Variants in HSD17B4 observed in about 807,000 individuals in gnomAD.
The protein encoded by HSD17B4 is hydroxysteroid 17-beta dehydrogenase 4.
A neutral mutation model predicts 101.0 loss-of-function variants in HSD17B4; 70 were observed. The ratio of observed to expected loss-of-function variants is 0.69; its 90% CI spans 0.57 to 0.85. HSD17B4 has a LOEUF of 0.85. HSD17B4 is among the 40% of genes least tolerant of loss of function. The pLI is 0.00. For synonymous variants in HSD17B4, 347 were observed against 297.1 expected (o/e 1.17, Z -1.73); for missense variants, 984 against 892.4 (o/e 1.10, Z -1.31).
At chr5:119,460,026 G>A (rs991332288) in intron 2 of HSD17B4, among the ~76,000 whole-genome samples, 9 of 151,616 alleles carry the variant, frequency 5.9e-5, no homozygotes, top group East Asian at 1.9e-4. Context: ...GCCTGCCACC[G>A]TGCCCAGCTA....
At chr5:119,493,175 A>G (rs761890991) in intron 10 of HSD17B4, 2 of 152,416 alleles carry the variant, frequency 1.3e-5, no homozygotes, top group Non-Finnish European at 1.5e-5. Flanking sequence ...GTGTCTGACT[A>G]TTATGTTTAA....
intron 7 of HSD17B4, 73 bp downstream of exon 7, chr5:119,477,574 T>A: frequency 1.0e-6 from 1 of 975,892 alleles, no homozygotes. Context: ...AGGGAAAGAT[T>A]ATGTGAAGTG....
intron 17 of HSD17B4, among the ~76,000 whole-genome samples, chr5:119,523,432 A>G (rs1490818848): frequency 4.6e-5 from 7 of 152,172 alleles, no homozygotes; most frequent in African/African-American, 1.7e-4. Context: ...CAAAATACGT[A>G]GAAGATAAGC....
At chr5:119,463,655 C>CTTTTTTTTT (rs57252147) in intron 2 of HSD17B4, among the ~76,000 whole-genome samples, 12 of 29,692 alleles carry the variant, frequency 4.0e-4, no homozygotes, top group Non-Finnish European at 5.6e-4. Flanking sequence ...ATTTATATGT[C>CTTTTTTTTT]TTTTTTTTTT....
intron 1 of HSD17B4, among the ~76,000 whole-genome samples, chr5:119,453,973 T>C (rs1349596284): frequency 6.6e-6 from 1 of 152,216 alleles, no homozygotes; most frequent in East Asian, 1.9e-4. Context: ...ACTTTCCTTT[T>C]CAGGGGCTAT....
chr5:119,488,534 T>C (rs1359012538), intron 8 of HSD17B4, among the ~76,000 whole-genome samples: 1 of 152,158 alleles, frequency 6.6e-6, no homozygotes, highest in East Asian at 1.9e-4. Context: ...AGTTGATGGA[T>C]ATACCAGTTA....
At chr5:119,516,090 T>A (rs897198021) in intron 17 of HSD17B4, among the ~76,000 whole-genome samples, 1 of 152,198 alleles carries the variant, frequency 6.6e-6, no homozygotes, top group African/African-American at 2.4e-5. Context: ...AGAATTGTAA[T>A]CTCATAAGCC....
At chr5:119,461,057 C>G (rs1755177583) in intron 2 of HSD17B4, among the ~76,000 whole-genome samples, 1 of 152,132 alleles carries the variant, frequency 6.6e-6, no homozygotes, top group Non-Finnish European at 1.5e-5. Context: ...AAGGCCAGAT[C>G]ACATAGGACC....
chr5:119,508,276 C>G (rs977899357), intron 15 of HSD17B4, among the ~76,000 whole-genome samples: 4 of 149,488 alleles, frequency 2.7e-5, no homozygotes, highest in African/African-American at 7.3e-5. Flanking sequence ...TTTTACTGTT[C>G]TCTCTTGATC....
intron 8 of HSD17B4, among the ~76,000 whole-genome samples, chr5:119,484,673 A>G (rs1749453565): frequency 6.6e-6 from 1 of 152,184 alleles, no homozygotes; most frequent in South Asian, 2.1e-4. Flanking sequence ...TCCATGGAAC[A>G]CAAATACTTA....
rs147060621 is a variant in HSD17B4, at chr5:119,531,566, GGGGT to G, written c.1993+164_1993+167del. ...GAATAGGTTTGGGAATGTCCAAAGG[GGGGT>G]GTGTGTGTGTGTGTGTGTGTGTGTG... On this transcript the variant is annotated intron_variant, in intron 22 of 23. Coordinates refer to ENST00000510025, the MANE Select transcript of HSD17B4 (RefSeq NM_000414.4). Among the ~76,000 whole-genome samples the G allele has an allele frequency of 0.15, 5,120 of 35,020 alleles. 277 individuals carry two copies. Among genetic ancestry groups the G allele is most frequent in the African/African-American group, 0.32 (4,724 of 14,906 alleles). 23.0% of individuals were successfully genotyped at this position (35,020 alleles called of 152,430 possible).
chr5:119,470,188 ATGTC>A (rs1005586976), intron 2 of HSD17B4, among the ~76,000 whole-genome samples: 1 of 151,298 alleles, frequency 6.6e-6, no homozygotes, highest in Non-Finnish European at 1.5e-5. Flanking sequence ...TTGTACTTGA[ATGTC>A]TGTTTTTTTT....
chr5:119,463,311 A>G (rs1580516482), intron 2 of HSD17B4, among the ~76,000 whole-genome samples: 1 of 152,196 alleles, frequency 6.6e-6, no homozygotes, highest in East Asian at 1.9e-4. Context: ...GTGCTGCAGT[A>G]AACATGGGAA....
At chr5:119,493,483 CT>C in intron 10 of HSD17B4, 1 of 275,052 alleles carries the variant, frequency 3.6e-6, no homozygotes, top group Non-Finnish European at 7.1e-6. Flanking sequence ...AAGTATATTA[CT>C]TTGGGGATCT....
intron 1 of HSD17B4, 160 bp downstream of exon 1, chr5:119,452,793 G>C: frequency 6.5e-7 from 1 of 1,544,234 alleles, no homozygotes; most frequent in Non-Finnish European, 8.7e-7. Flanking sequence ...GAGGAGGAAA[G>C]AGCCGGAAAC....
At chr5:119,462,248 ATTTTTTTTTTTTTTTTTTTTTTT>A (rs10524491) in intron 2 of HSD17B4, among the ~76,000 whole-genome samples, 1 of 30,010 alleles carries the variant, frequency 3.3e-5, no homozygotes, top group Non-Finnish European at 7.9e-5. Context: ...AACAAATGTG[ATTTTTTTTTTTTTTTTTTTTTTT>A]TTTTTTTTTT....
intron 8 of HSD17B4, among the ~76,000 whole-genome samples, chr5:119,484,045 T>C (rs551029012): frequency 3.3e-5 from 5 of 152,148 alleles, no homozygotes; most frequent in Non-Finnish European, 7.4e-5. Context: ...ATCTTCTCTT[T>C]TTTTAAAAAA....
At chr5:119,511,695 G>T (rs542386780) in intron 16 of HSD17B4, among the ~76,000 whole-genome samples, 1 of 152,224 alleles carries the variant, frequency 6.6e-6, no homozygotes, top group Non-Finnish European at 1.5e-5. Context: ...AATATCAGAG[G>T]CTGTACACTA....
intron 1 of HSD17B4, among the ~76,000 whole-genome samples, chr5:119,455,195 T>G (rs2126604465): frequency 6.6e-6 from 1 of 152,270 alleles, no homozygotes; most frequent in Non-Finnish European, 1.5e-5. Flanking sequence ...TCTAATGTGT[T>G]TTTCCCGAGA....
Sources: gnomAD v4.1 joint callset for allele counts (sites outside exome capture counted in the v4.1 genomes callset) on GRCh38, gnomAD v4.1.1 for gene constraint, MANE v1.5 for transcripts, NCBI Gene and HGNC (gene_info 2026-07-23, HGNC 2026-07-21) for gene names.